Variants in COPB2 observed in about 807,000 individuals in gnomAD.
COPB2 encodes coat protein complex I subunit beta 2.
COPB2 carries 16 observed loss-of-function variants against 120.8 expected under a neutral mutation model. That is an observed-to-expected ratio of 0.13 (90% CI 0.09 to 0.20). COPB2 has a LOEUF of 0.20. Among genes scored for constraint, COPB2 ranks in the 10% least tolerant of loss-of-function variants. The probability of loss-of-function intolerance (pLI) is 1.00; values close to 1 mark genes in which losing one functional copy is unlikely to be tolerated. For synonymous variants in COPB2, 332 were observed against 366.3 expected (o/e 0.91, Z 1.07); for missense variants, 794 against 1,076.5 (o/e 0.74, Z 3.67).
chr3:139,358,401 A>ACTGTGCCT, intron 20 of COPB2, 130 bp from the exon 21 acceptor site: 1 of 816,910 alleles, frequency 1.2e-6, no homozygotes, highest in Non-Finnish European at 2.0e-6. Context: ...CATCTCAGCC[A>ACTGTGCCT]GGCACAGTGG....
chr3:139,359,361 C>T lies in COPB2; in HGVS notation c.2212G>A (p.Val738Ile), dbSNP rs1941366765. 4.3e-6 allele frequency: 7 copies of T among 1,612,604 alleles called. No individual in the cohort carries two copies. The highest frequency in any genetic ancestry group is 1.3e-5 in the African/African-American group (1 of 74,866). ...AFMSYFLQGKVDACLELLIRT... is the reference protein window; with the variant it reads ...AFMSYFLQGKIDACLELLIRT... ...ATTAAGAGCTCTAGGCAGGCATCAA[C>T]CCTAAACATTAAAAAGGAGAGGTAC... The change falls in exon 18 of 22, where the codon GTT becomes ATT. Residue 738 changes from valine to isoleucine, a missense_variant and splice_region_variant. Coordinates refer to ENST00000333188, the MANE Select transcript of COPB2 (RefSeq NM_004766.3).
rs755030372 is a variant in COPB2, at chr3:139,367,040, T to C, written c.1651A>G (p.Ile551Val). ...NRLNYYVGGE[I>V]VTIAHLDRTM... ...CTGTCCAAGTGGGCAATGGTGACTA[T>C]TTCTCCTCCAACATAATAATTTAAT... Residue 551 changes from isoleucine (I) to valine (V), a missense_variant, in exon 14 of 22, where the codon ATA becomes GTA. Physicochemically the swap from Ile to Val is conservative, Grantham distance 29. Coordinates refer to ENST00000333188, the MANE Select transcript of COPB2 (RefSeq NM_004766.3). 1 of 1,613,542 alleles carries C rather than the reference T, an allele frequency of 6.2e-7. No homozygotes were observed. The highest frequency in any genetic ancestry group is 1.1e-5 in the South Asian group (1 of 90,868).
intron 15 of COPB2, among the ~76,000 whole-genome samples, chr3:139,363,396 T>A (rs1941461177): frequency 6.6e-6 from 1 of 152,126 alleles, no homozygotes; most frequent in African/African-American, 2.4e-5. Flanking sequence ...TGGATCTAGG[T>A]TCTGTGCTCT....
In COPB2 at chr3:139,378,189, T is replaced by C; in HGVS notation, c.356A>G (p.Asp119Gly). 6.5e-7 allele frequency: 1 copy of C among 1,547,286 alleles called. No homozygotes were observed. The highest frequency in any genetic ancestry group is 8.8e-7 in the Non-Finnish European group (1 of 1,132,208). ...GTCCCAGAGCTTAATAAGCATGTCA[T>C]CTAGGCCAAAAGAAAGTCTCAAGTT... is the stretch of plus-strand genomic sequence containing the variant. ...PTQPFILTSS[D>G]DMLIKLWDWD... is the part of the protein sequence containing the mutation. Residue 119 changes from aspartate (D) to glycine (G), a missense_variant and splice_region_variant, in exon 5 of 22, where the codon GAT becomes GGT. Coordinates refer to ENST00000333188, the MANE Select transcript of COPB2 (RefSeq NM_004766.3).
chr3:139,372,774 GA>G (rs1156749546), intron 9 of COPB2, among the ~76,000 whole-genome samples: 1 of 152,070 alleles, frequency 6.6e-6, no homozygotes, highest in Non-Finnish European at 1.5e-5. Context: ...TTACAAATAA[GA>G]AACAGAATTA....
chr3:139,380,807 G>A (rs528462670), intron 2 of COPB2: 1 of 152,296 alleles, frequency 6.6e-6, no homozygotes, highest in Admixed American at 6.5e-5. Context: ...AGCTGACTAT[G>A]ATACAGAAAC....
intron 12 of COPB2, among the ~76,000 whole-genome samples, 167 bp from the exon 13 acceptor site, chr3:139,368,455 G>T (rs1374839486): frequency 6.6e-6 from 1 of 152,146 alleles, no homozygotes; most frequent in Non-Finnish European, 1.5e-5. Context: ...CTATTATGTG[G>T]CTATGCTATT....
rs1480109989 is a variant in COPB2 at position 139,360,970 on chromosome 3, A to G, written c.2210+111T>C. ...CTGTCCTGTTCTGACTGCCCCGTCT[A>G]TTCAACACCATTTGGCCATTCATCA... On this transcript the variant is annotated intron_variant, in intron 17 of 21. Transcript: ENST00000333188. The G allele has an allele frequency of 4.2e-6, 5 of 1,194,528 alleles. No homozygotes were observed. In the African/African-American group the frequency reaches 4.5e-5, roughly 11 times the overall value. The allele number at this position is 1,194,528 out of a possible 1,614,324, so 74.0% of individuals were successfully genotyped here.
intron 1 of COPB2, among the ~76,000 whole-genome samples, chr3:139,389,035 C>T (rs577403501): frequency 5.3e-5 from 8 of 152,252 alleles, no homozygotes; most frequent in African/African-American, 1.9e-4. Flanking sequence ...CTTCTTCTCC[C>T]CTTAGAAACC....
chr3:139,358,614 G>A, intron 20 of COPB2, 130 bp downstream of exon 20: 2 of 671,010 alleles, frequency 3.0e-6, no homozygotes, highest in Non-Finnish European at 5.2e-6. Context: ...CCGGGAGACA[G>A]AGCTTGCAGT....
chr3:139,388,516 C>A (rs1941977664), intron 1 of COPB2, among the ~76,000 whole-genome samples: 1 of 151,668 alleles, frequency 6.6e-6, no homozygotes, highest in African/African-American at 2.4e-5. Flanking sequence ...AACTTTGCCA[C>A]AATTAACCTT....
chr3:139,371,208 T>C (rs1560016923), intron 10 of COPB2, among the ~76,000 whole-genome samples: 1 of 152,196 alleles, frequency 6.6e-6, no homozygotes, highest in African/African-American at 2.4e-5. Context: ...TTTATGAACA[T>C]TCTGAATTCA....
At chr3:139,358,698 A>AAGG in intron 20 of COPB2, 46 bp downstream of exon 20, 2 of 1,321,512 alleles carry the variant, frequency 1.5e-6, no homozygotes, top group Admixed American at 1.8e-5. Flanking sequence ...AAAAAAAAAA[A>AAGG]GTGAACCATC....
Position 139,357,409 on chromosome 3 carries a change from A to G in COPB2, c.*454T>C, listed in dbSNP as rs1351622807. The stretch of plus-strand genomic sequence containing the variant: ...GCAATGAGGTCAAGAAAAAGGGTTT[A>G]GAGAATTACAGCCTGGATATTCAGC... On this transcript the variant is annotated 3_prime_UTR_variant, in exon 22 of 22. Transcript: ENST00000333188. The G allele has an allele frequency of 5.2e-6, 1 of 192,990 alleles. No individual in the cohort carries two copies. 12.0% of individuals were successfully genotyped at this position (192,990 alleles called of 1,614,324 possible). A position where few individuals can be genotyped will look rare whatever the true frequency, so the allele number is the denominator to read the frequency against.
intron 2 of COPB2, chr3:139,379,684 A>G: frequency 2.0e-6 from 1 of 489,186 alleles, no homozygotes; most frequent in Non-Finnish European, 3.6e-6. Context: ...AGAGAAGGCA[A>G]ATATCCACAA....
Position 139,358,829 on chromosome 3 carries a change from C to T in COPB2, c.2485-17G>A. ...TTCATTTGGCTATCAGAGAATAAAGCAATGATGAAATGAGATATTCTGAAA... is the reference window on the plus strand; with the variant it reads ...TTCATTTGGCTATCAGAGAATAAAGTAATGATGAAATGAGATATTCTGAAA... On this transcript the variant is annotated splice_polypyrimidine_tract_variant and intron_variant, in intron 19 of 21. Coordinates refer to ENST00000333188, the MANE Select transcript of COPB2 (RefSeq NM_004766.3). The T allele has an allele frequency of 1.2e-6, 2 of 1,602,914 alleles. No individual in the cohort carries two copies. Among genetic ancestry groups the T allele is most frequent in the Non-Finnish European group, 1.7e-6 (2 of 1,170,096 alleles).
At position 139,389,554 on chromosome 3, in the gene COPB2, T is replaced by C. The variant is rs760793241; in HGVS notation, c.-4A>G. On this transcript the variant is annotated 5_prime_UTR_variant, in exon 1 of 22. Coordinates refer to ENST00000333188, the MANE Select transcript of COPB2 (RefSeq NM_004766.3). ...CTACGGGATCTGGACCTACCATGGC[T>C]GCGTCGGTCCAATCCCGGGAACCCT... The C allele has an allele frequency of 1.9e-6, 3 of 1,577,790 alleles. No individual in the cohort carries two copies. The South Asian group carries it at 3.4e-5, about 18-fold the overall frequency.
chr3:139,366,654 G>A lies in COPB2; in HGVS notation c.1798C>T (p.Arg600Trp), dbSNP rs763624564. The A allele has an allele frequency of 1.2e-6, 2 of 1,613,930 alleles. No individual in the cohort carries two copies. The highest frequency in any genetic ancestry group is 1.7e-6 in the Non-Finnish European group (2 of 1,179,978). The part of the protein sequence containing the change: ...SVLEYQTAVM[R>W]RDFSMADKVL... ...TTATCAGCCATGCTAAAGTCCCTCC[G>A]CATGACAGCTGTCTGGTATTCCAGG... Residue 600 changes from arginine to tryptophan, a missense_variant, in exon 15 of 22, where the codon CGG becomes TGG. This residue lies in a region of COPB2 where 610 missense variants were observed against 866.7 expected (regional missense o/e 0.70). Coordinates refer to ENST00000333188, the MANE Select transcript of COPB2 (RefSeq NM_004766.3).
rs758872914 is a variant in COPB2 at position 139,368,293 on chromosome 3, A to C, written c.1402-5T>G. On this transcript the variant is annotated splice_region_variant and splice_polypyrimidine_tract_variant and intron_variant, in intron 12 of 21. Transcript: ENST00000333188. ...TCCAGAGTCAGACCAGAAAATCTGC[A>C]ACACAACAAAATCATAGACAACTGA... 6.2e-7 allele frequency: 1 copy of C among 1,606,494 alleles called. No individual in the cohort carries two copies. The highest frequency in any genetic ancestry group is 2.2e-5 in the East Asian group (1 of 44,646).
Sources: gnomAD v4.1 joint callset for allele counts (sites outside exome capture counted in the v4.1 genomes callset) on GRCh38, gnomAD v4.1.1 for gene constraint, gnomAD v4.1.1 regional missense constraint, MANE v1.5 for transcripts, NCBI Gene and HGNC (gene_info 2026-07-23, HGNC 2026-07-21) for gene names.